ACSBG1: variants seen among roughly 807,000 people sequenced by gnomAD.
ACSBG1 encodes long-chain-fatty-acid--CoA ligase ACSBG1.
In ACSBG1, 39 loss-of-function variants were observed where a neutral mutation model predicts 80.2. The ratio of observed to expected loss-of-function variants is 0.49; its 90% CI spans 0.38 to 0.64. The LOEUF is 0.64. Ranked by LOEUF, ACSBG1 falls within the 30% of genes least tolerant of loss-of-function variation. ACSBG1 has a pLI of 0.00. For missense variants in ACSBG1, 828 were observed against 966.4 expected, an observed-to-expected ratio of 0.86 and a Z score of 1.90; for synonymous variants, 392 against 379.5, an observed-to-expected ratio of 1.03 and a Z score of -0.38.
intron 2 of ACSBG1, among the ~76,000 whole-genome samples, chr15:78,205,493 G>T (rs1013556498): frequency 6.6e-6 from 1 of 152,176 alleles, no homozygotes; most frequent in African/African-American, 2.4e-5. Flanking sequence ...CAGACTGCAT[G>T]ATGCTATCTA....
chr15:78,225,434 A>T (rs539182739), intron 1 of ACSBG1, among the ~76,000 whole-genome samples: 1 of 133,184 alleles, frequency 7.5e-6, no homozygotes, highest in Non-Finnish European at 1.6e-5. Flanking sequence ...TAAATAAATA[A>T]AAATAAATTA....
In ACSBG1 at chr15:78,194,711, G is replaced by A. The variant is rs549097150; in HGVS notation, c.248C>T (p.Thr83Met). The change falls in exon 3 of 14, where the codon ACG becomes ATG. Residue 83 changes from threonine to methionine, a missense_variant. By Grantham distance (81) the Thr-to-Met change is moderately conservative. This residue lies in a region of ACSBG1 where 356 missense variants were observed against 363.5 expected (regional missense o/e 0.98). Transcript: ENST00000258873. ...GCGCACCCGCCCATCGGCCCGAGTC[G>A]TCCACAGCGCCTCCTCTGTGGGGTG... ...QWDAPEEALW[T>M]TRADGRVRLR... 1.1e-5 allele frequency: 17 copies of A among 1,612,704 alleles called. No homozygotes were observed. The highest frequency in any genetic ancestry group is 2.7e-5 in the African/African-American group (2 of 75,044).
intron 5 of ACSBG1, among the ~76,000 whole-genome samples, chr15:78,192,840 C>T (rs1452535755): frequency 6.6e-6 from 1 of 152,086 alleles, no homozygotes; most frequent in Non-Finnish European, 1.5e-5. Flanking sequence ...TGAGGACTCC[C>T]TTGGGATGCA....
At chr15:78,189,810 C>G (rs947661545) in intron 5 of ACSBG1, among the ~76,000 whole-genome samples, 4 of 151,240 alleles carry the variant, frequency 2.6e-5, no homozygotes, top group Admixed American at 6.6e-5. Flanking sequence ...TACCCTAAAA[C>G]TTAAAGTATA....
intron 13 of ACSBG1, 137 bp from the exon 14 acceptor site, chr15:78,171,666 T>C (rs2074824546): frequency 7.5e-6 from 5 of 664,162 alleles, no homozygotes; most frequent in African/African-American, 1.8e-5. Context: ...GTAGCCAGCC[T>C]CCAAGACAGT....
chr15:78,171,717 G>C, intron 13 of ACSBG1, 188 bp from the exon 14 acceptor site: 1 of 539,688 alleles, frequency 1.9e-6, no homozygotes, highest in Non-Finnish European at 3.3e-6. Context: ...GTAGTCTCCT[G>C]TGTTATACCA....
intron 5 of ACSBG1, chr15:78,183,034 TG>T: frequency 1.8e-6 from 1 of 568,988 alleles, no homozygotes; most frequent in South Asian, 2.1e-5. Context: ...CCAAACAAGC[TG>T]GGGCTTGGTT....
At chr15:78,207,790 A>G (rs1260186119) in intron 2 of ACSBG1, 4 of 570,650 alleles carry the variant, frequency 7.0e-6, no homozygotes, top group East Asian at 5.6e-5. Context: ...AAATCTCCCC[A>G]TCCCTCATTC....
At position 78,178,882 on chromosome 15, in the gene ACSBG1, G is replaced by A. The variant is rs1378571397; in HGVS notation, c.1485-51C>T. The A allele has an allele frequency of 6.5e-7, 1 of 1,538,352 alleles. No homozygotes were observed. The highest frequency in any genetic ancestry group is 8.7e-7 in the Non-Finnish European group (1 of 1,144,558). ...GGTCAGAGGGAGCCGTCTCCTCCAA[G>A]CCCCCACTGGGGAGCCGGGGTCCCA... On this transcript the variant is annotated intron_variant, in intron 10 of 13. Coordinates refer to ENST00000258873, the MANE Select transcript of ACSBG1 (RefSeq NM_015162.5). The surrounding 1 kb of genome is among the most constrained non-coding windows in gnomAD (Gnocchi z 4.3).
In ACSBG1 at chr15:78,221,351, C is replaced by G. The variant is rs116782598; in HGVS notation, c.131+13020G>C. Among the ~76,000 whole-genome samples the G allele has an allele frequency of 3.0e-3, 454 of 152,202 alleles. 1 individual carries two copies. Among genetic ancestry groups the G allele is most frequent in the African/African-American group, 9.9e-3 (410 of 41,516 alleles). On this transcript the variant is annotated intron_variant, in intron 1 of 13. Transcript: ENST00000258873. Reference sequence around the variant, plus strand: ...ACAGAATCCGTGTCATAAATAAGTTCAAGGGAAGGTACTGTGCCCAGACGT... The same window carrying G: ...ACAGAATCCGTGTCATAAATAAGTTGAAGGGAAGGTACTGTGCCCAGACGT...
intron 2 of ACSBG1, 85 bp downstream of exon 2, chr15:78,207,917 T>TCCCCCCCACCCCCCCCCCCCA: frequency 1.1e-6 from 1 of 876,066 alleles, no homozygotes. Flanking sequence ...TGTGTGGTGG[T>TCCCCCCCACCCCCCCCCCCCA]CCCCCACACC....
chr15:78,213,977 G>A (rs543104899), intron 1 of ACSBG1: 5 of 152,276 alleles, frequency 3.3e-5, no homozygotes, highest in Admixed American at 3.3e-4. Context: ...TTGTGAACAG[G>A]GGTCTCCACG....
chr15:78,168,540 A>G lies in ACSBG1; in HGVS notation c.*2904T>C, dbSNP rs1364928107. 1.9e-5 allele frequency: 3 copies of G among 156,146 alleles called. No individual in the cohort carries two copies. The highest frequency in any genetic ancestry group is 3.7e-4 in the East Asian group (2 of 5,402). The allele number at this position is 156,146 out of a possible 1,614,324, so 9.7% of individuals were successfully genotyped here. Reference sequence around the variant, plus strand: ...ATAGATCAAAATATGTCTCAGGTCTATTCCTGAGACATATTTCCCAAGGAT... The same window carrying G: ...ATAGATCAAAATATGTCTCAGGTCTGTTCCTGAGACATATTTCCCAAGGAT... On this transcript the variant is annotated 3_prime_UTR_variant, in exon 14 of 14. Coordinates refer to ENST00000258873, the MANE Select transcript of ACSBG1 (RefSeq NM_015162.5).
chr15:78,169,223 G>A lies in ACSBG1; in HGVS notation c.*2221C>T, dbSNP rs1035327330. ...TCCAAGTGCTTGTTTTATTTATTAA[G>A]TGTCTACCTGGTAAATGTTTTTTTT... On this transcript the variant is annotated 3_prime_UTR_variant, in exon 14 of 14. Coordinates refer to ENST00000258873, the MANE Select transcript of ACSBG1 (RefSeq NM_015162.5). The A allele has an allele frequency of 3.0e-5, 11 of 360,880 alleles. No homozygotes were observed. The highest frequency in any genetic ancestry group is 2.0e-4 in the South Asian group (2 of 10,254). The allele number at this position is 360,880 out of a possible 1,614,324, so 22.4% of individuals were successfully genotyped here.
intron 5 of ACSBG1, among the ~76,000 whole-genome samples, chr15:78,183,342 C>T (rs925343880): frequency 1.3e-5 from 2 of 150,510 alleles, no homozygotes; most frequent in African/African-American, 4.9e-5. Context: ...TTTGGGAGGC[C>T]AAGGTGGGAG....
chr15:78,202,841 G>A (rs1480191909), intron 2 of ACSBG1, among the ~76,000 whole-genome samples: 1 of 152,164 alleles, frequency 6.6e-6, no homozygotes, highest in African/African-American at 2.4e-5. Context: ...CATGTACAGC[G>A]AGAATGTGGA....
At position 78,171,651 on chromosome 15, in the gene ACSBG1, C is replaced by T. The variant is rs954353575; in HGVS notation, c.2090-122G>A. ...AGGAATTAAGCCAGATAATCAGGAC[C>T]GTCAGTAGCCAGCCTCCAAGACAGT... On this transcript the variant is annotated intron_variant, in intron 13 of 13. Transcript: ENST00000258873. The T allele has an allele frequency of 3.2e-5, 24 of 749,552 alleles. No homozygotes were observed. In the African/African-American group the frequency reaches 3.7e-4, roughly 12 times the overall value. 46.4% of individuals were successfully genotyped at this position (749,552 alleles called of 1,614,324 possible).
rs116434875 is a variant in ACSBG1 at position 78,197,760 on chromosome 15, C to A, written c.233-3034G>T. Among the ~76,000 whole-genome samples, 1,137 of 150,590 alleles carry A rather than the reference C, an allele frequency of 7.6e-3. 25 individuals carry two copies. Among genetic ancestry groups the A allele is most frequent in the African/African-American group, 0.026 (1,078 of 41,088 alleles). On this transcript the variant is annotated intron_variant, in intron 2 of 13. Transcript: ENST00000258873. The stretch of plus-strand genomic sequence containing the variant: ...AAAAAAAAATAGAATGTTGACCCCC[C>A]ACAAAGTGGTGCAAGAATCTTGTGC...
At chr15:78,209,587 G>A (rs570235719) in intron 1 of ACSBG1, among the ~76,000 whole-genome samples, 11 of 152,316 alleles carry the variant, frequency 7.2e-5, no homozygotes, top group Non-Finnish European at 1.6e-4. Flanking sequence ...ACTTTGGGCC[G>A]CAATGTTACC....
Sources: gnomAD v4.1 joint callset for allele counts (sites outside exome capture counted in the v4.1 genomes callset) on GRCh38, gnomAD v4.1.1 for gene constraint, gnomAD v4.1.1 regional missense constraint, Gnocchi (gnomAD v3.1) non-coding constraint, MANE v1.5 for transcripts, NCBI Gene and HGNC (gene_info 2026-07-23, HGNC 2026-07-21) for gene names.